The following WDR49 variants were observed in gnomAD, a reference collection of about 807,000 sequenced individuals.
WDR49 encodes WD repeat domain 49, also known as cilia- and flagella-associated protein 337.
WDR49 carries 107 observed loss-of-function variants against 119.5 expected under a neutral mutation model. The observed-to-expected ratio is 0.90, with a 90% confidence interval of 0.77 to 1.05. The LOEUF is 1.05. Among genes scored for constraint, WDR49 ranks in the 50% least tolerant of loss-of-function variants. WDR49 has a pLI of 0.00. For synonymous variants in WDR49, 425 were observed against 418.8 expected (o/e 1.01, Z -0.18); for missense variants, 1,240 against 1,220.5 (o/e 1.02, Z -0.24).
At chr3:167,581,481 T>A (rs1714527559) in intron 7 of WDR49, among the ~76,000 whole-genome samples, 1 of 152,140 alleles carries the variant, frequency 6.6e-6, no homozygotes, top group Non-Finnish European at 1.5e-5. Context: ...CTAAATATTC[T>A]AAAATAACAA....
intron 7 of WDR49, among the ~76,000 whole-genome samples, chr3:167,585,132 TA>T: frequency 6.6e-6 from 1 of 152,212 alleles, no homozygotes; most frequent in East Asian, 1.9e-4. Context: ...TCAAGAACTA[TA>T]AATGGCCAAT....
chr3:167,620,854 C>A (rs1449884188), intron 4 of WDR49, among the ~76,000 whole-genome samples: 1 of 152,086 alleles, frequency 6.6e-6, no homozygotes, highest in Non-Finnish European at 1.5e-5. Context: ...GAAAAGCTTT[C>A]ACAATTACAA....
intron 18 of WDR49, among the ~76,000 whole-genome samples, chr3:167,485,326 G>A (rs988143170): frequency 4.0e-5 from 6 of 151,168 alleles, no homozygotes; most frequent in Non-Finnish European, 7.4e-5. Flanking sequence ...AAACCTTCAC[G>A]TTCTATACAT....
chr3:167,640,394 C>T (rs1381098457), intron 2 of WDR49, among the ~76,000 whole-genome samples: 4 of 151,844 alleles, frequency 2.6e-5, no homozygotes, highest in Non-Finnish European at 5.9e-5. Context: ...ACTGTCTCAT[C>T]CTTCTTTCAC....
chr3:167,517,008 CATA>C (rs1252171566), intron 16 of WDR49, among the ~76,000 whole-genome samples: 2 of 152,030 alleles, frequency 1.3e-5, no homozygotes, highest in African/African-American at 4.8e-5. Context: ...AAATCAAAAC[CATA>C]ATGAGATACC....
chr3:167,492,147 T>G (rs995455355), intron 18 of WDR49, among the ~76,000 whole-genome samples: 1 of 105,682 alleles, frequency 9.5e-6, no homozygotes, highest in Admixed American at 8.3e-5. Flanking sequence ...TAATTGAAGT[T>G]TTTTTTTTTT....
At chr3:167,522,279 T>G (rs370218761) in intron 16 of WDR49, 36 bp downstream of exon 16, 1 of 1,535,632 alleles carries the variant, frequency 6.5e-7, no homozygotes, top group African/African-American at 1.4e-5. Context: ...TATCTAGACT[T>G]CAGTTGACAT....
intron 17 of WDR49, among the ~76,000 whole-genome samples, 175 bp downstream of exon 17, chr3:167,505,131 AG>A (rs1751715646): frequency 6.6e-6 from 1 of 152,220 alleles, no homozygotes; most frequent in African/African-American, 2.4e-5. Context: ...AGCCTTGGAC[AG>A]GTGACTTAAT....
At chr3:167,594,554 T>C (rs1016169543) in intron 7 of WDR49, among the ~76,000 whole-genome samples, 5 of 152,134 alleles carry the variant, frequency 3.3e-5, no homozygotes, top group African/African-American at 9.6e-5. Context: ...TCCAAAGAGA[T>C]AGTCTGAAGT....
intron 5 of WDR49, 71 bp from the exon 6 acceptor site, chr3:167,604,539 G>GAGC: frequency 7.2e-7 from 1 of 1,384,106 alleles, no homozygotes. Flanking sequence ...AAATGGAGCT[G>GAGC]TTTTAATATG....
intron 5 of WDR49, among the ~76,000 whole-genome samples, chr3:167,608,094 A>T (rs1237053059): frequency 6.6e-6 from 1 of 152,188 alleles, no homozygotes; most frequent in Non-Finnish European, 1.5e-5. Flanking sequence ...ACCTGCTGCA[A>T]TAGTACTACT....
At chr3:167,643,083 A>C (rs1014514132) in intron 2 of WDR49, among the ~76,000 whole-genome samples, 1 of 152,192 alleles carries the variant, frequency 6.6e-6, no homozygotes, top group South Asian at 2.1e-4. Context: ...CAGTAGAGTC[A>C]TTGTTTCCAG....
intron 8 of WDR49, among the ~76,000 whole-genome samples, chr3:167,572,590 T>C (rs1299593338): frequency 1.3e-5 from 2 of 152,234 alleles, no homozygotes; most frequent in South Asian, 2.1e-4. Context: ...TAATTTATTA[T>C]GTCTAGTAGT....
rs138853427 is a variant in WDR49, at chr3:167,530,302, G to T, written c.2218+813C>A. Among the ~76,000 whole-genome samples the T allele has an allele frequency of 3.2e-3, 480 of 151,938 alleles. 4 individuals are homozygous for T. Among genetic ancestry groups the T allele is most frequent in the East Asian group, 0.031 (161 of 5,158 alleles). On this transcript the variant is annotated intron_variant, in intron 13 of 18. Coordinates refer to ENST00000682715, the MANE Select transcript of WDR49 (RefSeq NM_001366157.1). ...CTTTTCAAATACATAATACATATAT[G>T]TCTAGTTCCTAATGTTAAGAAAAAT...
At chr3:167,607,881 T>C (rs910258092) in intron 5 of WDR49, among the ~76,000 whole-genome samples, 1 of 152,014 alleles carries the variant, frequency 6.6e-6, no homozygotes, top group Non-Finnish European at 1.5e-5. Context: ...TTCTCTCTTT[T>C]CTTCTTAATA....
intron 5 of WDR49, among the ~76,000 whole-genome samples, chr3:167,618,265 C>T (rs762464769): frequency 1.9e-4 from 29 of 152,186 alleles, no homozygotes; most frequent in Non-Finnish European, 3.7e-4. Flanking sequence ...TTCAGTACCA[C>T]TGAACAATGT....
intron 16 of WDR49, among the ~76,000 whole-genome samples, chr3:167,521,538 G>A (rs769976134): frequency 6.6e-6 from 1 of 152,162 alleles, no homozygotes; most frequent in Non-Finnish European, 1.5e-5. Context: ...ATTAAAGCAT[G>A]GTGGGAGTTT....
chr3:167,600,883 AAGG>A (rs980622889), intron 7 of WDR49, among the ~76,000 whole-genome samples: 6 of 152,176 alleles, frequency 3.9e-5, no homozygotes, highest in Non-Finnish European at 8.8e-5. Flanking sequence ...AATGAATTTG[AAGG>A]AGAAAAGCGG....
At chr3:167,530,331 C>A (rs1234373752) in intron 13 of WDR49, among the ~76,000 whole-genome samples, 1 of 151,728 alleles carries the variant, frequency 6.6e-6, no homozygotes, top group African/African-American at 2.4e-5. Flanking sequence ...GAAAAATATA[C>A]CCTGAAGATA....
Sources: allele counts gnomAD v4.1 joint callset (sites outside exome capture counted in the v4.1 genomes callset), GRCh38; gene constraint gnomAD v4.1.1; transcripts MANE v1.5; gene names NCBI Gene and HGNC (gene_info 2026-07-23, HGNC 2026-07-21).